The following MYADM variants were observed in gnomAD, a reference collection of about 807,000 sequenced individuals.
MYADM encodes myeloid-associated differentiation marker.
For synonymous variants in MYADM, 224 were observed against 210.2 expected, an observed-to-expected ratio of 1.07 and a Z score of -0.57; for missense variants, 416 against 443.4, an observed-to-expected ratio of 0.94 and a Z score of 0.56.
rs570539220 is a variant in MYADM at position 53,875,669 on chromosome 19, T to C, written c.*1171T>C. 3.2e-5 allele frequency: 5 copies of C among 156,110 alleles called. No homozygotes were observed. Among genetic ancestry groups the C allele is most frequent in the Non-Finnish European group, 5.9e-5 (4 of 67,928 alleles). 9.7% of individuals were successfully genotyped at this position (156,110 alleles called of 1,614,324 possible). A position where few individuals can be genotyped will look rare whatever the true frequency, so the allele number is the denominator to read the frequency against. ...TTCAAGACCAGCCTGGCCAACATGGTGAAAGCATGTCTCTATTAAAAATAC... is the reference window on the plus strand; with the variant it reads ...TTCAAGACCAGCCTGGCCAACATGGCGAAAGCATGTCTCTATTAAAAATAC... On this transcript the variant is annotated 3_prime_UTR_variant, in exon 3 of 3. Coordinates refer to ENST00000391770, the MANE Select transcript of MYADM (RefSeq NM_138373.5).
At chr19:53,870,081 G>A (rs2068342469) in intron 2 of MYADM, among the ~76,000 whole-genome samples, 1 of 99,448 alleles carries the variant, frequency 1.0e-5, no homozygotes, top group African/African-American at 5.9e-5. Flanking sequence ...GGAGGGGCTG[G>A]GGTCTGGACT....
chr19:53,874,644 A>T lies in MYADM; in HGVS notation c.*146A>T, dbSNP rs934606482. 4.5e-6 allele frequency: 4 copies of T among 888,392 alleles called. No homozygotes were observed. Among genetic ancestry groups the T allele is most frequent in the Non-Finnish European group, 6.6e-6 (4 of 605,290 alleles). The allele number at this position is 888,392 out of a possible 1,614,324, so 55.0% of individuals were successfully genotyped here. ...CTCCCACCTTTTTCTTTCCTTCCCA[A>T]TTCCTTGCACTCTAACCAGTTCTTG... On this transcript the variant is annotated 3_prime_UTR_variant, in exon 3 of 3. Coordinates refer to ENST00000391770, the MANE Select transcript of MYADM (RefSeq NM_138373.5).
At chr19:53,865,947 G>T (rs987226051), upstream of MYADM, 7 of 152,114 alleles carry the variant, frequency 4.6e-5, no homozygotes, top group Non-Finnish European at 1.5e-5. Context: ...TCCCTCCTTG[G>T]ACAAGGACAA....
In MYADM at chr19:53,874,638, T is replaced by A; in HGVS notation, c.*140T>A. 1.0e-6 allele frequency: 1 copy of A among 970,778 alleles called. No individual in the cohort carries two copies. Among genetic ancestry groups the A allele is most frequent in the Non-Finnish European group, 1.5e-6 (1 of 674,460 alleles). The allele number at this position is 970,778 out of a possible 1,614,324, so 60.1% of individuals were successfully genotyped here. A position where few individuals can be genotyped will look rare whatever the true frequency, so the allele number is the denominator to read the frequency against. Reference sequence around the variant, plus strand: ...CCCTCCCTCCCACCTTTTTCTTTCCTTCCCAATTCCTTGCACTCTAACCAG... The same window carrying A: ...CCCTCCCTCCCACCTTTTTCTTTCCATCCCAATTCCTTGCACTCTAACCAG... On this transcript the variant is annotated 3_prime_UTR_variant, in exon 3 of 3. Transcript: ENST00000391770.
intron 2 of MYADM, among the ~76,000 whole-genome samples, chr19:53,871,367 GGA>G (rs559766249): frequency 5.9e-5 from 9 of 152,256 alleles, no homozygotes; most frequent in African/African-American, 1.7e-4. Flanking sequence ...TGGGTTTTGG[GGA>G]GAGAAGGTGG....
In MYADM at chr19:53,874,707, C is replaced by T. The variant is rs2068487573; in HGVS notation, c.*209C>T. ...TCCTTCCCTTTCCTCTTGCTGTTTC[C>T]TTCCTGTGTTGTTTTGTTGCCCACA... is the stretch of plus-strand genomic sequence containing the variant. On this transcript the variant is annotated 3_prime_UTR_variant, in exon 3 of 3. Coordinates refer to ENST00000391770, the MANE Select transcript of MYADM (RefSeq NM_138373.5). The T allele has an allele frequency of 4.1e-6, 2 of 485,580 alleles. No homozygotes were observed. The highest frequency in any genetic ancestry group is 7.3e-6 in the Non-Finnish European group (2 of 275,338). The allele number at this position is 485,580 out of a possible 1,614,324, so 30.1% of individuals were successfully genotyped here.
Position 53,874,552 on chromosome 19 carries a change from G to A in MYADM, c.*54G>A, listed in dbSNP as rs1430248272. The A allele has an allele frequency of 2.1e-5, 31 of 1,508,550 alleles. No homozygotes were observed. The highest frequency in any genetic ancestry group is 2.7e-5 in the Non-Finnish European group (30 of 1,129,282). 93.4% of individuals were successfully genotyped at this position (1,508,550 alleles called of 1,614,324 possible). A position where few individuals can be genotyped will look rare whatever the true frequency, so the allele number is the denominator to read the frequency against. On this transcript the variant is annotated 3_prime_UTR_variant, in exon 3 of 3. Coordinates refer to ENST00000391770, the MANE Select transcript of MYADM (RefSeq NM_138373.5). ...TCCAACCTCTTTGTTCTTCTTGCCC[G>A]AGTTTTCTTTATGGAGTACTTCTTT...
rs1003755318 is a variant in MYADM, at chr19:53,873,146, C to A, written c.-2-382C>A. Among the ~76,000 whole-genome samples, 1 of 152,086 alleles carries A rather than the reference C, an allele frequency of 6.6e-6. No homozygotes were observed. Among genetic ancestry groups the A allele is most frequent in the African/African-American group, 2.4e-5 (1 of 41,418 alleles). The stretch of plus-strand genomic sequence containing the variant: ...CAGCACTTTGGGAGGCCAAGGCCAG[C>A]GGATCATGAGGTCAGGAGATCGAGA... On this transcript the variant is annotated intron_variant, in intron 2 of 2. Transcript: ENST00000391770. This position sits in a 1 kb window ranked among gnomAD's most constrained non-coding sequence, Gnocchi z 4.3.
chr19:53,867,448 G>A (rs2068261476), upstream of MYADM, among the ~76,000 whole-genome samples: 1 of 151,930 alleles, frequency 6.6e-6, no homozygotes, highest in Admixed American at 6.6e-5. Context: ...TAGGAAGGGA[G>A]CGGAAGAAAG....
Position 53,873,959 on chromosome 19 carries a change from T to C in MYADM, c.430T>C (p.Ser144Pro). The part of the protein sequence containing the change: ...RDHAIAATFF[S>P]CIACVAYATE... The stretch of plus-strand genomic sequence containing the variant: ...CCACGCCATCGCCGCCACCTTCTTC[T>C]CCTGCATCGCGTGTGTGGCTTACGC... Residue 144 changes from serine (S) to proline (P), a missense_variant, in exon 3 of 3, where the codon TCC (serine) becomes CCC (proline). Ser to Pro is a moderately conservative substitution (Grantham distance 74). Transcript: ENST00000391770. The surrounding 1 kb of genome is among the most constrained non-coding windows in gnomAD (Gnocchi z 4.3). 1 of 1,610,472 alleles carries C rather than the reference T, an allele frequency of 6.2e-7. No individual in the cohort carries two copies. The highest frequency in any genetic ancestry group is 8.5e-7 in the Non-Finnish European group (1 of 1,180,008).
In MYADM at chr19:53,873,795, G is replaced by A; in HGVS notation, c.266G>A (p.Gly89Glu). Residue 89 changes from glycine (G) to glutamate (E), a missense_variant, in exon 3 of 3, where the codon GGG (glycine) becomes GAG (glutamate). By Grantham distance (98) the Gly-to-Glu change is moderately conservative. Transcript: ENST00000391770. This position sits in a 1 kb window ranked among gnomAD's most constrained non-coding sequence, Gnocchi z 4.3. ...TLIILIVELCGLQARFPLSWR... is the reference protein window; with the variant it reads ...TLIILIVELCELQARFPLSWR... Reference sequence around the variant, plus strand: ...ATCATCCTCATCGTGGAGCTGTGCGGGCTCCAGGCCCGCTTCCCCCTGTCT... The same window carrying A: ...ATCATCCTCATCGTGGAGCTGTGCGAGCTCCAGGCCCGCTTCCCCCTGTCT... 1.2e-6 allele frequency: 2 copies of A among 1,613,782 alleles called. No homozygotes were observed. The highest frequency in any genetic ancestry group is 1.7e-6 in the Non-Finnish European group (2 of 1,180,022).
rs1377298456 is a variant in MYADM at position 53,875,704 on chromosome 19, C to G, written c.*1206C>G. 6.5e-6 allele frequency: 1 copy of G among 153,576 alleles called. No homozygotes were observed. The highest frequency in any genetic ancestry group is 1.5e-5 in the Non-Finnish European group (1 of 68,014). The allele number at this position is 153,576 out of a possible 1,614,324, so 9.5% of individuals were successfully genotyped here. On this transcript the variant is annotated 3_prime_UTR_variant, in exon 3 of 3. Coordinates refer to ENST00000391770, the MANE Select transcript of MYADM (RefSeq NM_138373.5). ...TCTCTATTAAAAATACAAAAATTAG[C>G]CGGGCGTGGTGGCGGGCGCCTGTAA...
rs948696421 is a variant in MYADM, at chr19:53,874,690, T to A, written c.*192T>A. On this transcript the variant is annotated 3_prime_UTR_variant, in exon 3 of 3. Transcript: ENST00000391770. ...TCTTGGATGCATCTTCTTCCTTCCC[T>A]TTCCTCTTGCTGTTTCCTTCCTGTG... 6 of 518,702 alleles carry A rather than the reference T, an allele frequency of 1.2e-5. No homozygotes were observed. Among genetic ancestry groups the A allele is most frequent in the Non-Finnish European group, 2.0e-5 (6 of 301,464 alleles). 32.1% of individuals were successfully genotyped at this position (518,702 alleles called of 1,614,324 possible).
At chr19:53,872,968 A>G (rs1208790628) in intron 2 of MYADM, among the ~76,000 whole-genome samples, 1 of 152,156 alleles carries the variant, frequency 6.6e-6, no homozygotes, top group Non-Finnish European at 1.5e-5. Flanking sequence ...ATCTCTTGAG[A>G]AGGAGGAAAA....
In MYADM at chr19:53,868,804, A is replaced by T. The variant is rs976404862; in HGVS notation, c.-88+861A>T. On this transcript the variant is annotated intron_variant, in intron 1 of 2. Transcript: ENST00000391770. This position sits in a 1 kb window ranked among gnomAD's most constrained non-coding sequence, Gnocchi z 6.3. ...TCTGGCTGCGCATTCCTGAGCTCTG[A>T]TCTCGGGCGATGGCTGGAGGCCCTA... 5 of 151,950 alleles carry T rather than the reference A, an allele frequency of 3.3e-5. No homozygotes were observed. Among genetic ancestry groups the T allele is most frequent in the Non-Finnish European group, 5.9e-5 (4 of 68,042 alleles). 9.4% of individuals were successfully genotyped at this position (151,950 alleles called of 1,614,324 possible). A position where few individuals can be genotyped will look rare whatever the true frequency, so the allele number is the denominator to read the frequency against.
rs1568741422 is a variant in MYADM at position 53,875,234 on chromosome 19, G to GTGTGTGTGTGTGT, written c.*736_*737insTGTGTGTGTGTGT. On this transcript the variant is annotated 3_prime_UTR_variant, in exon 3 of 3. Transcript: ENST00000391770. The stretch of plus-strand genomic sequence containing the variant: ...TGTGTGTGTGTGTGTGTGTGTGTTT[G>GTGTGTGTGTGTGT]GGGGGTGGGGGGTGGGTAGCTGGGG... 1 of 147,834 alleles carries GTGTGTGTGTGTGT rather than the reference G, an allele frequency of 6.8e-6. No individual in the cohort carries two copies. The highest frequency in any genetic ancestry group is 2.7e-5 in the African/African-American group (1 of 36,862). 9.2% of individuals were successfully genotyped at this position (147,834 alleles called of 1,614,324 possible).
At chr19:53,871,119 T>G (rs1387346667) in intron 2 of MYADM, among the ~76,000 whole-genome samples, 1 of 152,160 alleles carries the variant, frequency 6.6e-6, no homozygotes, top group African/African-American at 2.4e-5. Context: ...TAATCCCAGC[T>G]ACTCAGGAGG....
chr19:53,867,373 C>A (rs941630704), upstream of MYADM, among the ~76,000 whole-genome samples: 3 of 151,916 alleles, frequency 2.0e-5, no homozygotes, highest in African/African-American at 7.3e-5. Flanking sequence ...CCGCTGCGAC[C>A]CAGGTGTCTA....
Position 53,868,530 on chromosome 19 carries a change from G to T in MYADM, c.-88+587G>T, listed in dbSNP as rs1370366060. Among the ~76,000 whole-genome samples the T allele has an allele frequency of 1.3e-5, 2 of 152,154 alleles. No homozygotes were observed. The highest frequency in any genetic ancestry group is 6.5e-5 in the Admixed American group (1 of 15,292). ...TGGGCTCCTGAAAGGCCGAGGGAGG[G>T]GGGTGTTAAGATCCAGCCCCGTGCT... On this transcript the variant is annotated intron_variant, in intron 1 of 2. Transcript: ENST00000391770. The surrounding 1 kb of genome is among the most constrained non-coding windows in gnomAD (Gnocchi z 6.3).
Sources: gnomAD v4.1 joint callset for allele counts (sites outside exome capture counted in the v4.1 genomes callset) on GRCh38, gnomAD v4.1.1 for gene constraint, Gnocchi (gnomAD v3.1) non-coding constraint, MANE v1.5 for transcripts, NCBI Gene and HGNC (gene_info 2026-07-23, HGNC 2026-07-21) for gene names.